Variants in NLRC3 observed in about 807,000 individuals in gnomAD.
The protein encoded by NLRC3 is NLR family CARD domain containing 3.
NLRC3 carries 87 observed loss-of-function variants against 91.6 expected under a neutral mutation model. That is an observed-to-expected ratio of 0.95 (90% CI 0.80 to 1.14). The LOEUF (loss-of-function observed/expected upper bound fraction) is 1.14. Ranked by LOEUF, NLRC3 falls within the 50% of genes most tolerant of loss-of-function variation. The pLI, the probability that NLRC3 is intolerant of heterozygous loss-of-function variation, is 0.00. For missense variants in NLRC3, 1,577 were observed against 1,418.6 expected (o/e 1.11, Z -1.79); for synonymous variants, 694 against 625.3 (o/e 1.11, Z -1.64).
chr16:3,543,073 C>T (rs112645167), intron 17 of NLRC3: 2 of 496,270 alleles, frequency 4.0e-6, no homozygotes, highest in African/African-American at 1.9e-5. Context: ...GGGCAGGTCC[C>T]CAGTGCTCCC....
At position 3,572,349 on chromosome 16, in the gene NLRC3, G is replaced by C. The variant is rs1006995652; in HGVS notation, c.-169+4800C>G. On this transcript the variant is annotated intron_variant, in intron 1 of 19. Coordinates refer to ENST00000359128, the MANE Select transcript of NLRC3 (RefSeq NM_178844.4). Reference sequence around the variant, plus strand: ...GGATCTCACTGTGTCACCCAGGCTGGAGTGCAGTGGCATGATCAGGGTTCA... The same window carrying C: ...GGATCTCACTGTGTCACCCAGGCTGCAGTGCAGTGGCATGATCAGGGTTCA... Among the ~76,000 whole-genome samples, 4 of 152,170 alleles carry C rather than the reference G, an allele frequency of 2.6e-5. No homozygotes were observed. The East Asian group carries it at 5.8e-4, about 22-fold the overall frequency.
Position 3,564,731 on chromosome 16 carries a change from G to A in NLRC3, c.206C>T (p.Ala69Val), listed in dbSNP as rs185457667. ...GCCACCTCCCACCTTGCTCAGCAGG[G>A]CCTTGCGGTGCCTCTGTATCCTTGA... ...NDSRIQRHRKALLSKVGGGPE... is the reference protein window; with the variant it reads ...NDSRIQRHRKVLLSKVGGGPE... Residue 69 changes from alanine (A) to valine (V), a missense_variant, in exon 5 of 20, where the codon GCC becomes GTC. Coordinates refer to ENST00000359128, the MANE Select transcript of NLRC3 (RefSeq NM_178844.4). This position sits in a 1 kb window ranked among gnomAD's most constrained non-coding sequence, Gnocchi z 5.9. The A allele has an allele frequency of 3.2e-4, 513 of 1,588,176 alleles. 1 individual carries two copies. Among genetic ancestry groups the A allele is most frequent in the Non-Finnish European group, 4.3e-4 (499 of 1,173,110 alleles).
chr16:3,541,562 T>C lies in NLRC3; in HGVS notation c.*263A>G. 2.0e-6 allele frequency: 1 copy of C among 494,798 alleles called. No homozygotes were observed. Among genetic ancestry groups the C allele is most frequent in the South Asian group, 2.7e-5 (1 of 36,814 alleles). The allele number at this position is 494,798 out of a possible 1,614,324, so 30.7% of individuals were successfully genotyped here. On this transcript the variant is annotated 3_prime_UTR_variant, in exon 20 of 20. Transcript: ENST00000359128. ...CTGTACTGCTCAGCTTTCAGGCCTT[T>C]GGCCCCTAGTCCCTTGGGGGTGGCC...
intron 8 of NLRC3, chr16:3,556,023 C>T (rs1173274564): frequency 1.3e-5 from 2 of 150,460 alleles, no homozygotes; most frequent in Non-Finnish European, 3.0e-5. Context: ...GATATAACCA[C>T]AGGCTTTTAA....
Position 3,549,685 on chromosome 16 carries a change from G to T in NLRC3, c.2519+12C>A. The T allele has an allele frequency of 6.5e-7, 1 of 1,545,158 alleles. No homozygotes were observed. Among genetic ancestry groups the T allele is most frequent in the Non-Finnish European group, 8.8e-7 (1 of 1,141,190 alleles). ...AGAAACGCCCTGTTTGGAGAGGGTG[G>T]CCAGGACTTACCTGAGGCTGAGGAG... On this transcript the variant is annotated intron_variant, in intron 12 of 19. Coordinates refer to ENST00000359128, the MANE Select transcript of NLRC3 (RefSeq NM_178844.4).
intron 17 of NLRC3, 106 bp from the exon 18 acceptor site, chr16:3,542,881 C>T: frequency 4.2e-6 from 3 of 708,140 alleles, no homozygotes; most frequent in Middle Eastern, 3.9e-4. Flanking sequence ...ACAAGGACTT[C>T]AGCAGTCACA....
Position 3,566,310 on chromosome 16 carries a change from G to C in NLRC3, c.-86-930C>G, listed in dbSNP as rs576130890. ...TCCCATCAATTTTTCTGTAAACCTGGCCAGACGCGGTGGCTCATGTCTGTA... is the reference window on the plus strand; with the variant it reads ...TCCCATCAATTTTTCTGTAAACCTGCCCAGACGCGGTGGCTCATGTCTGTA... On this transcript the variant is annotated intron_variant, in intron 2 of 19. Transcript: ENST00000359128. Among the ~76,000 whole-genome samples, 11 of 152,056 alleles carry C rather than the reference G, an allele frequency of 7.2e-5. No homozygotes were observed. The South Asian group carries it at 8.3e-4, about 11-fold the overall frequency.
intron 9 of NLRC3, 78 bp downstream of exon 9, chr16:3,554,164 G>T: frequency 2.7e-6 from 3 of 1,100,368 alleles, no homozygotes; most frequent in Non-Finnish European, 4.2e-6. Flanking sequence ...ATTCTTCCTA[G>T]CAGGTAATAG....
chr16:3,576,976 C>CT (rs1318647227), intron 1 of NLRC3, among the ~76,000 whole-genome samples, 173 bp downstream of exon 1: 4 of 152,254 alleles, frequency 2.6e-5, no homozygotes, highest in South Asian at 4.1e-4. Flanking sequence ...GGCCACATCT[C>CT]TTTTTTCTAC....
chr16:3,548,013 G>T, intron 15 of NLRC3, 122 bp downstream of exon 15: 1 of 665,338 alleles, frequency 1.5e-6, no homozygotes, highest in Non-Finnish European at 2.7e-6. Context: ...ATGCCAGCTG[G>T]CCTTAGGGAA....
chr16:3,559,603 T>A lies in NLRC3; in HGVS notation c.2016-1927A>T, dbSNP rs553362258. 2.7e-4 allele frequency among the ~76,000 whole-genome samples: 41 copies of A among 152,006 alleles called. 1 individual carries two copies. The highest frequency in any genetic ancestry group is 9.9e-4 in the African/African-American group (41 of 41,518). On this transcript the variant is annotated intron_variant, in intron 6 of 19. Coordinates refer to ENST00000359128, the MANE Select transcript of NLRC3 (RefSeq NM_178844.4). ...GCGCTCACAGAGGAAAAAATATTAA[T>A]AATGAGAATTGTCATTCTTTTACTT...
intron 5 of NLRC3, among the ~76,000 whole-genome samples, chr16:3,562,701 C>T (rs947533974): frequency 2.0e-5 from 3 of 151,880 alleles, no homozygotes; most frequent in East Asian, 3.9e-4. Flanking sequence ...GACCAGGCGA[C>T]GGGAGAGACT....
intron 6 of NLRC3, among the ~76,000 whole-genome samples, chr16:3,560,921 A>C (rs1475829325): frequency 6.6e-6 from 1 of 151,926 alleles, no homozygotes; most frequent in Non-Finnish European, 1.5e-5. Context: ...GGCCTCCCAA[A>C]GTGCTGGGAT....
intron 7 of NLRC3, among the ~76,000 whole-genome samples, chr16:3,557,384 G>A (rs2039392276): frequency 6.6e-6 from 1 of 152,202 alleles, no homozygotes; most frequent in Non-Finnish European, 1.5e-5. Flanking sequence ...GCCTCCCTGT[G>A]TCTTATTCCC....
intron 10 of NLRC3, among the ~76,000 whole-genome samples, chr16:3,551,877 C>A (rs2151088555): frequency 6.7e-6 from 1 of 149,832 alleles, no homozygotes; most frequent in East Asian, 2.0e-4. Flanking sequence ...AACCATCCAT[C>A]CACCCACCCA....
At chr16:3,567,961 G>C (rs1389742605) in intron 1 of NLRC3, among the ~76,000 whole-genome samples, 1 of 150,908 alleles carries the variant, frequency 6.6e-6, no homozygotes, top group Non-Finnish European at 1.5e-5. Flanking sequence ...TGCCTCCCAG[G>C]TTCAAGCAAT....
intron 10 of NLRC3, among the ~76,000 whole-genome samples, chr16:3,551,682 T>C (rs1206470475): frequency 1.3e-5 from 2 of 148,676 alleles, no homozygotes; most frequent in Admixed American, 1.3e-4. Context: ...CATCCATCCT[T>C]CCATTCACTC....
chr16:3,543,517 G>C lies in NLRC3; in HGVS notation c.2856-9C>G. On this transcript the variant is annotated splice_polypyrimidine_tract_variant and intron_variant, in intron 16 of 19. Coordinates refer to ENST00000359128, the MANE Select transcript of NLRC3 (RefSeq NM_178844.4). ...TTGAGGCCACCTGGAGACTGGGGCGGAGAGGGTGCCGTCAGTGTGAGCCGG... is the reference window on the plus strand; with the variant it reads ...TTGAGGCCACCTGGAGACTGGGGCGCAGAGGGTGCCGTCAGTGTGAGCCGG... 1 of 1,608,914 alleles carries C rather than the reference G, an allele frequency of 6.2e-7. No homozygotes were observed. The highest frequency in any genetic ancestry group is 8.5e-7 in the Non-Finnish European group (1 of 1,177,258).
At chr16:3,562,620 G>A (rs1235841384) in intron 5 of NLRC3, among the ~76,000 whole-genome samples, 1 of 152,032 alleles carries the variant, frequency 6.6e-6, no homozygotes, top group Admixed American at 6.6e-5. Context: ...CAGCCTGGGC[G>A]ACAGAGCAAG....
Sources: gnomAD v4.1 joint callset for allele counts (sites outside exome capture counted in the v4.1 genomes callset) on GRCh38, gnomAD v4.1.1 for gene constraint, Gnocchi (gnomAD v3.1) non-coding constraint, MANE v1.5 for transcripts, NCBI Gene and HGNC (gene_info 2026-07-23, HGNC 2026-07-21) for gene names.